RGS6: variants seen among roughly 807,000 people sequenced by gnomAD.
RGS6 encodes the protein regulator of G-protein signaling 6.
A neutral mutation model predicts 78.5 loss-of-function variants in RGS6; 30 were observed. The ratio of observed to expected loss-of-function variants is 0.38; its 90% CI spans 0.29 to 0.52. RGS6 has a LOEUF of 0.52. Among genes scored for constraint, RGS6 ranks in the 20% least tolerant of loss-of-function variants. RGS6 has a pLI of 0.85. For synonymous variants in RGS6, 206 were observed against 206.0 expected, an observed-to-expected ratio of 1.00 and a Z score of 0.00; for missense variants, 495 against 609.7, an observed-to-expected ratio of 0.81 and a Z score of 1.98.
At chr14:71,936,880 T>C (rs2089519383) in intron 1 of RGS6, among the ~76,000 whole-genome samples, 1 of 152,238 alleles carries the variant, frequency 6.6e-6, no homozygotes, top group African/African-American at 2.4e-5. Context: ...ATGACTACCT[T>C]CTTCTACCCA....
At chr14:72,434,611 G>A (rs1438354138) in intron 3 of RGS6, among the ~76,000 whole-genome samples, 1 of 152,286 alleles carries the variant, frequency 6.6e-6, no homozygotes, top group East Asian at 1.9e-4. Flanking sequence ...GTAAACATTA[G>A]TTTATTCATC....
intron 2 of RGS6, among the ~76,000 whole-genome samples, chr14:72,329,861 G>C (rs529757769): frequency 6.6e-6 from 1 of 152,132 alleles, no homozygotes; most frequent in Non-Finnish European, 1.5e-5. Context: ...GAGAACTGCC[G>C]GGAGACATCA....
At chr14:72,092,706 T>C (rs1363058609) in intron 2 of RGS6, among the ~76,000 whole-genome samples, 7 of 152,194 alleles carry the variant, frequency 4.6e-5, no homozygotes, top group Non-Finnish European at 7.3e-5. Flanking sequence ...TTTTTAAAGA[T>C]AGACTTCCTA....
At position 71,971,829 on chromosome 14, in the gene RGS6, C is replaced by T. The variant is rs888045052; in HGVS notation, c.84+6954C>T. Among the ~76,000 whole-genome samples, 6 of 150,216 alleles carry T rather than the reference C, an allele frequency of 4.0e-5. No individual in the cohort carries two copies. In the South Asian group the frequency reaches 6.4e-4, roughly 16 times the overall value. ...CGTTGGAATGGTGGACTCGGTTCTT[C>T]GTTGGCTGTTTGCCAGAGGCCATTC... is the stretch of plus-strand genomic sequence containing the variant. On this transcript the variant is annotated intron_variant, in intron 2 of 17. Coordinates refer to ENST00000553525, the MANE Select transcript of RGS6 (RefSeq NM_001204424.2).
the RGS6 span, among the ~76,000 whole-genome samples, chr14:72,620,605 C>T: frequency 1.3e-5 from 2 of 152,188 alleles, no homozygotes; most frequent in Non-Finnish European, 2.9e-5. Context: ...ATCTTTGCAC[C>T]TATGGCTACT....
At chr14:72,522,423 C>T (rs1461407697) in intron 15 of RGS6, among the ~76,000 whole-genome samples, 4 of 152,138 alleles carry the variant, frequency 2.6e-5, no homozygotes, top group East Asian at 3.8e-4. Context: ...TTGCAAATAG[C>T]GTGATCCTGT....
intron 15 of RGS6, among the ~76,000 whole-genome samples, chr14:72,524,032 C>T (rs1276253022): frequency 6.6e-6 from 1 of 152,166 alleles, no homozygotes; most frequent in East Asian, 1.9e-4. Context: ...TCAGAGAAAT[C>T]AGATGAGCTA....
chr14:72,089,776 C>A (rs1020466585), intron 2 of RGS6, among the ~76,000 whole-genome samples: 15 of 152,172 alleles, frequency 9.9e-5, no homozygotes, highest in African/African-American at 3.4e-4. Context: ...CTTCACCCAG[C>A]CTCCTCCCCT....
At position 72,470,970 on chromosome 14, in the gene RGS6, G is replaced by A. The variant is rs1007447529; in HGVS notation, c.536+887G>A. Among the ~76,000 whole-genome samples the A allele has an allele frequency of 8.6e-5, 13 of 151,748 alleles. No homozygotes were observed. In the South Asian group the frequency reaches 2.5e-3, roughly 29 times the overall value. On this transcript the variant is annotated intron_variant, in intron 8 of 17. Transcript: ENST00000553525. The stretch of plus-strand genomic sequence containing the variant: ...AAATCTGCCCTTCCTGTACAGAGGT[G>A]TGTATCTATAGGCCTCCTCTCCCCA...
At chr14:72,614,490 C>T in the RGS6 span, among the ~76,000 whole-genome samples, 1 of 152,116 alleles carries the variant, frequency 6.6e-6, no homozygotes, top group Admixed American at 6.5e-5. Context: ...TACTGGTGTC[C>T]TGGGCTTGGG....
At chr14:72,165,446 T>C (rs563515615) in intron 2 of RGS6, among the ~76,000 whole-genome samples, 1 of 152,346 alleles carries the variant, frequency 6.6e-6, no homozygotes, top group Admixed American at 6.5e-5. Flanking sequence ...CCTACCACCT[T>C]AGCTGCAAGC....
At chr14:72,386,809 A>C (rs111584404) in intron 3 of RGS6, among the ~76,000 whole-genome samples, 112 of 152,390 alleles carry the variant, frequency 7.3e-4, no homozygotes, top group African/African-American at 2.6e-3. Flanking sequence ...GCTTAAAAAT[A>C]ATCTCAGAAA....
chr14:72,194,912 G>T (rs2039661312), intron 2 of RGS6, among the ~76,000 whole-genome samples: 1 of 152,176 alleles, frequency 6.6e-6, no homozygotes, highest in African/African-American at 2.4e-5. Context: ...GGTCTATAAA[G>T]ATTACACAAA....
At chr14:72,521,582 C>G (rs908590308) in intron 15 of RGS6, among the ~76,000 whole-genome samples, 5 of 152,178 alleles carry the variant, frequency 3.3e-5, no homozygotes, top group African/African-American at 9.6e-5. Flanking sequence ...TCTTAAGCAT[C>G]CCCATCTTCT....
intron 14 of RGS6, chr14:72,511,525 C>T (rs1323897486): frequency 6.6e-6 from 1 of 152,212 alleles, no homozygotes; most frequent in African/African-American, 2.4e-5. Flanking sequence ...ATGATTAAAT[C>T]ATTGAATGTC....
chr14:72,401,153 C>T (rs2092349632), intron 3 of RGS6, among the ~76,000 whole-genome samples: 1 of 152,128 alleles, frequency 6.6e-6, no homozygotes, highest in South Asian at 2.1e-4. Context: ...TACCCCAAGT[C>T]TACCTCCTTA....
At chr14:72,468,994 C>T (rs896457456) in intron 7 of RGS6, among the ~76,000 whole-genome samples, 3 of 152,122 alleles carry the variant, frequency 2.0e-5, no homozygotes, top group Admixed American at 1.3e-4. Flanking sequence ...ATAATATGGG[C>T]TCCGGCCTTG....
At chr14:72,366,837 C>T (rs1240397307) in intron 3 of RGS6, among the ~76,000 whole-genome samples, 1 of 152,200 alleles carries the variant, frequency 6.6e-6, no homozygotes, top group African/African-American at 2.4e-5. Context: ...CCTGCCAGCC[C>T]CAGGAAAGCA....
intron 14 of RGS6, chr14:72,511,957 G>A (rs187447574): frequency 1.6e-4 from 25 of 152,282 alleles, no homozygotes; most frequent in Admixed American, 9.8e-4. Flanking sequence ...TCTTCACTAG[G>A]GTGGTGCTCA....
Sources: gnomAD v4.1 joint callset for allele counts (sites outside exome capture counted in the v4.1 genomes callset) on GRCh38, gnomAD v4.1.1 for gene constraint, MANE v1.5 for transcripts, NCBI Gene and HGNC (gene_info 2026-07-23, HGNC 2026-07-21) for gene names.